The following CMTM7 variants were observed in gnomAD, a reference collection of about 807,000 sequenced individuals.
CMTM7 encodes the protein CKLF-like MARVEL transmembrane domain-containing protein 7.
CMTM7 carries 7 observed loss-of-function variants against 19.3 expected under a neutral mutation model. The ratio of observed to expected loss-of-function variants is 0.36; its 90% CI spans 0.21 to 0.68. The LOEUF (loss-of-function observed/expected upper bound fraction) is 0.68, where lower values mean the gene tolerates loss of function less well. Among genes scored for constraint, CMTM7 ranks in the 30% least tolerant of loss-of-function variants. The pLI, the probability that CMTM7 is intolerant of heterozygous loss-of-function variation, is 0.60. For synonymous variants in CMTM7, 87 were observed against 99.3 expected (o/e 0.88, Z 0.74); for missense variants, 193 against 232.6 (o/e 0.83, Z 1.11).
rs181589529 is a variant in CMTM7, at chr3:32,394,401, C to T, written c.159+2336C>T. ...ATACTGAACAGGTTGACCCTTTTGT[C>T]CTCAGCTTCTCATGAAATGTTTTCA... On this transcript the variant is annotated intron_variant, in intron 1 of 4. Coordinates refer to ENST00000334983, the MANE Select transcript of CMTM7 (RefSeq NM_138410.4). 1.8e-3 allele frequency among the ~76,000 whole-genome samples: 273 copies of T among 152,270 alleles called. 4 individuals carry two copies. Among genetic ancestry groups the T allele is most frequent in the African/African-American group, 6.0e-3 (251 of 41,570 alleles).
chr3:32,433,334 A>G (rs1473799620), intron 1 of CMTM7, among the ~76,000 whole-genome samples: 1 of 152,176 alleles, frequency 6.6e-6, no homozygotes, highest in African/African-American at 2.4e-5. Flanking sequence ...TGTGGTACAG[A>G]CCATCGGTCT....
intron 1 of CMTM7, among the ~76,000 whole-genome samples, chr3:32,394,285 T>C (rs1295017103): frequency 6.6e-6 from 1 of 151,670 alleles, no homozygotes; most frequent in African/African-American, 2.4e-5. Context: ...AGTTTTAACA[T>C]TGGGGAAGGG....
At chr3:32,398,376 T>C (rs1052814343) in intron 1 of CMTM7, among the ~76,000 whole-genome samples, 1 of 151,784 alleles carries the variant, frequency 6.6e-6, no homozygotes, top group Non-Finnish European at 1.5e-5. Context: ...TTCTGGGAGG[T>C]TCATTTATTT....
intron 2 of CMTM7, among the ~76,000 whole-genome samples, chr3:32,442,960 A>G (rs1040310213): frequency 3.3e-5 from 5 of 152,102 alleles, no homozygotes; most frequent in African/African-American, 1.2e-4. Context: ...GCAATCACTA[A>G]TCTTCTGTCT....
chr3:32,414,723 G>A (rs115856930), intron 1 of CMTM7, among the ~76,000 whole-genome samples: 3,020 of 152,296 alleles, frequency 0.02, 47 homozygotes, highest in Non-Finnish European at 0.028. Context: ...TTACGACAAC[G>A]GAAGTGCTGC....
intron 1 of CMTM7, among the ~76,000 whole-genome samples, chr3:32,400,298 G>A (rs910165094): frequency 6.6e-6 from 1 of 152,086 alleles, no homozygotes; most frequent in Admixed American, 6.5e-5. Flanking sequence ...AGGATTACAG[G>A]CGGGAGCCAC....
chr3:32,451,022 A>G (rs1575127862), intron 3 of CMTM7: 1 of 152,242 alleles, frequency 6.6e-6, no homozygotes, highest in East Asian at 1.9e-4. Flanking sequence ...CTGTAGCGAT[A>G]TAATAAACTG....
At position 32,430,680 on chromosome 3, in the gene CMTM7, A is replaced by G. The variant is rs1250249695; in HGVS notation, c.160-11160A>G. Among the ~76,000 whole-genome samples, 4 of 33,146 alleles carry G rather than the reference A, an allele frequency of 1.2e-4. No homozygotes were observed. The South Asian group carries it at 4.6e-3, about 38-fold the overall frequency. The allele number at this position is 33,146 out of a possible 152,430, so 21.7% of individuals were successfully genotyped here. ...ATCATTCTGGCCTGATCTACATCTG[A>G]ATGTGTGTGTGTGTGTGTGTGTGTG... is the stretch of plus-strand genomic sequence containing the variant. On this transcript the variant is annotated intron_variant, in intron 1 of 4. Transcript: ENST00000334983.
intron 1 of CMTM7, among the ~76,000 whole-genome samples, chr3:32,433,673 A>G (rs997620021): frequency 6.6e-6 from 1 of 152,202 alleles, no homozygotes. Flanking sequence ...CCTACAGACC[A>G]GTGAAGGAAG....
intron 2 of CMTM7, among the ~76,000 whole-genome samples, chr3:32,444,045 A>C (rs2125641288): frequency 6.6e-6 from 1 of 152,266 alleles, no homozygotes; most frequent in African/African-American, 2.4e-5. Context: ...TTTAAAGCAC[A>C]AGTTTTTAAT....
chr3:32,397,457 G>A (rs1185815278), intron 1 of CMTM7, among the ~76,000 whole-genome samples: 4 of 152,006 alleles, frequency 2.6e-5, no homozygotes, highest in East Asian at 3.9e-4. Flanking sequence ...AACTCGGGCC[G>A]GGTGTGGTGG....
intron 1 of CMTM7, among the ~76,000 whole-genome samples, chr3:32,417,380 C>T (rs892454011): frequency 1.3e-5 from 2 of 152,026 alleles, no homozygotes; most frequent in African/African-American, 4.8e-5. Context: ...TTAAATTAAT[C>T]CATGTTATCA....
intron 2 of CMTM7, among the ~76,000 whole-genome samples, chr3:32,446,865 C>A (rs1462678590): frequency 6.6e-6 from 1 of 152,186 alleles, no homozygotes; most frequent in Non-Finnish European, 1.5e-5. Context: ...GAAGCCCTCA[C>A]CAGAAGCAGA....
intron 1 of CMTM7, among the ~76,000 whole-genome samples, chr3:32,394,132 GC>G (rs1463393661): frequency 1.3e-5 from 2 of 152,172 alleles, no homozygotes; most frequent in Admixed American, 6.5e-5. Context: ...TTGCAGGATG[GC>G]TGTATTAGTC....
intron 1 of CMTM7, among the ~76,000 whole-genome samples, chr3:32,401,755 T>TGGGCTCGCTGCTCATTCCCTGGCA (rs1559400529): frequency 1.3e-5 from 2 of 152,240 alleles, no homozygotes; most frequent in African/African-American, 4.8e-5. Context: ...AGTGGTTTCC[T>TGGGCTCGCTGCTCATTCCCTGGCA]GGGCTCGCTG....
chr3:32,448,894 C>T (rs1314501775), intron 2 of CMTM7, among the ~76,000 whole-genome samples: 3 of 152,074 alleles, frequency 2.0e-5, no homozygotes, highest in Admixed American at 6.5e-5. Context: ...CTGAGTCTGA[C>T]GGGACCCTGG....
At chr3:32,417,664 A>G (rs1345769740) in intron 1 of CMTM7, among the ~76,000 whole-genome samples, 6 of 152,162 alleles carry the variant, frequency 3.9e-5, no homozygotes, top group Non-Finnish European at 5.9e-5. Flanking sequence ...TGGCTATACC[A>G]TTTTGCATTC....
intron 1 of CMTM7, among the ~76,000 whole-genome samples, chr3:32,404,138 C>CTTTCTTTTTT (rs1216182010): frequency 3.2e-5 from 3 of 94,802 alleles, no homozygotes; most frequent in Non-Finnish European, 5.0e-5. Context: ...TCTTTTCTTT[C>CTTTCTTTTTT]TTTCTTTTTT....
chr3:32,392,363 C>G (rs1028896060), intron 1 of CMTM7, among the ~76,000 whole-genome samples: 1 of 152,256 alleles, frequency 6.6e-6, no homozygotes, highest in Non-Finnish European at 1.5e-5. Flanking sequence ...CGCCTACTGA[C>G]TGAAACCACG....
Sources: gnomAD v4.1 joint callset for allele counts (sites outside exome capture counted in the v4.1 genomes callset) on GRCh38, gnomAD v4.1.1 for gene constraint, MANE v1.5 for transcripts, NCBI Gene and HGNC (gene_info 2026-07-23, HGNC 2026-07-21) for gene names.